Variants in CD99L2 observed in about 807,000 individuals in gnomAD.
CD99L2 encodes CD99 antigen-like protein 2.
In CD99L2, 24 loss-of-function variants were observed where a neutral mutation model predicts 27.3. The ratio of observed to expected loss-of-function variants is 0.88; its 90% CI spans 0.64 to 1.24. The LOEUF (loss-of-function observed/expected upper bound fraction) is 1.24, where lower values mean the gene tolerates loss of function less well. Among genes scored for constraint, CD99L2 ranks in the 50% most tolerant of loss-of-function variants. CD99L2 has a pLI of 0.00. For missense variants in CD99L2, 255 were observed against 221.6 expected (o/e 1.15, Z -0.96); for synonymous variants, 97 against 87.9 (o/e 1.10, Z -0.58).
intron 4 of CD99L2, among the ~76,000 whole-genome samples, chrX:150,806,736 C>G (rs1557420250): frequency 1.8e-5 from 2 of 110,626 alleles, no homozygotes; most frequent in African/African-American, 6.6e-5. Context: ...ACTAAAAACA[C>G]AAAAATTAGC....
intron 1 of CD99L2, among the ~76,000 whole-genome samples, chrX:150,832,932 G>A (rs1179354119): frequency 5.4e-5 from 6 of 110,104 alleles, no homozygotes; most frequent in African/African-American, 2.0e-4. Context: ...GCGGGTGCCT[G>A]TAGTTCCAGC....
intron 2 of CD99L2, among the ~76,000 whole-genome samples, chrX:150,830,217 AC>A (rs1484825490): frequency 9.0e-6 from 1 of 111,162 alleles, no homozygotes; most frequent in African/African-American, 3.3e-5. Context: ...AAAATTGATA[AC>A]AAAGCTTAGC....
intron 7 of CD99L2, among the ~76,000 whole-genome samples, chrX:150,778,202 C>T (rs1323164151): frequency 9.1e-6 from 1 of 110,314 alleles, no homozygotes; most frequent in Non-Finnish European, 1.9e-5. Context: ...GCACGCACCC[C>T]TTCCACAGAC....
At position 150,769,676 on chromosome X, in the gene CD99L2, C is replaced by CAGGGGAG. The variant is rs1686586831; in HGVS notation, c.722-576_722-575insCTCCCCT. Among the ~76,000 whole-genome samples, 2 of 90,513 alleles carry CAGGGGAG rather than the reference C, an allele frequency of 2.2e-5. 1 individual carries two copies. Among genetic ancestry groups the CAGGGGAG allele is most frequent in the East Asian group, 7.8e-4 (2 of 2,554 alleles). The allele number at this position is 90,513 out of a possible 115,157, so 78.6% of individuals were successfully genotyped here. A position where few individuals can be genotyped will look rare whatever the true frequency, so the allele number is the denominator to read the frequency against. ...CGCCTGAGCTGTCCTAGTCTCCCTGCCTGCGCCACCAGGCCTCGGCTGCTC... is the reference window on the plus strand; with the variant it reads ...CGCCTGAGCTGTCCTAGTCTCCCTGCAGGGGAGCTGCGCCACCAGGCCTCGGCTGCTC... On this transcript the variant is annotated intron_variant, in intron 10 of 10. Coordinates refer to ENST00000370377, the MANE Select transcript of CD99L2 (RefSeq NM_031462.4).
intron 1 of CD99L2, among the ~76,000 whole-genome samples, chrX:150,875,797 C>T (rs1569566138): frequency 2.8e-5 from 3 of 107,078 alleles, no homozygotes; most frequent in African/African-American, 6.6e-5. Flanking sequence ...AAGAGTTTCC[C>T]TGCACAAGCT....
In CD99L2 at chrX:150,867,632, G is replaced by A. The variant is rs2047082588; in HGVS notation, c.67+30890C>T. ...TACATGGCTGGGCACGGTGGCTCAC[G>A]CCTTTAATCCCAGCACTTTGGGAGG... On this transcript the variant is annotated intron_variant, in intron 1 of 10. Transcript: ENST00000370377. Among the ~76,000 whole-genome samples the A allele has an allele frequency of 3.6e-5, 4 of 110,501 alleles. No individual in the cohort carries two copies. The South Asian group carries it at 1.5e-3, about 42-fold the overall frequency.
intron 7 of CD99L2, among the ~76,000 whole-genome samples, chrX:150,785,114 C>T (rs1557419518): frequency 9.1e-6 from 1 of 110,092 alleles, no homozygotes; most frequent in Non-Finnish European, 1.9e-5. Context: ...ACCTACTGGC[C>T]TTTCTCCATG....
At chrX:150,818,905 T>C in intron 2 of CD99L2, 1 of 375,993 alleles carries the variant, frequency 2.7e-6, no homozygotes, top group South Asian at 2.4e-5. Flanking sequence ...TAAGGGTTCT[T>C]ACTTTCCTAG....
chrX:150,771,131 C>G (rs1182294911), intron 9 of CD99L2, among the ~76,000 whole-genome samples: 2 of 112,180 alleles, frequency 1.8e-5, no homozygotes, highest in Non-Finnish European at 3.8e-5. Context: ...AGCACAGGGA[C>G]TGGAACCCTT....
At chrX:150,851,425 G>A (rs2046790667) in intron 1 of CD99L2, among the ~76,000 whole-genome samples, 1 of 112,189 alleles carries the variant, frequency 8.9e-6, no homozygotes, top group African/African-American at 3.2e-5. Context: ...CCAATGAGGA[G>A]CTGAGGCTCA....
At chrX:150,825,295 T>C (rs1316448346) in intron 2 of CD99L2, among the ~76,000 whole-genome samples, 1 of 112,459 alleles carries the variant, frequency 8.9e-6, no homozygotes, top group African/African-American at 3.2e-5. Context: ...AAAGTATTTG[T>C]TTATCTGTCT....
chrX:150,796,017 A>G (rs782318602), intron 4 of CD99L2, among the ~76,000 whole-genome samples: 1 of 112,579 alleles, frequency 8.9e-6, no homozygotes, highest in African/African-American at 3.2e-5. Context: ...ATTCCTTTCA[A>G]ATATGGACTT....
At chrX:150,898,054 A>AACCCCCCCCCCCCCC (rs2047641582) in intron 1 of CD99L2, among the ~76,000 whole-genome samples, 1 of 29,926 alleles carries the variant, frequency 3.3e-5, no homozygotes, top group Admixed American at 4.7e-4. Flanking sequence ...CGCCTCGCTG[A>AACCCCCCCCCCCCCC]CCCCCCCCCC....
At chrX:150,777,248 T>C (rs1603285888) in intron 8 of CD99L2, 196 bp downstream of exon 8, 2 of 475,400 alleles carry the variant, frequency 4.2e-6, no homozygotes, top group Non-Finnish European at 7.1e-6. Flanking sequence ...ATAAGAAATT[T>C]CTTTGTAGGC....
At chrX:150,874,015 A>G (rs1436817408) in intron 1 of CD99L2, among the ~76,000 whole-genome samples, 1 of 112,792 alleles carries the variant, frequency 8.9e-6, no homozygotes, top group Non-Finnish European at 1.9e-5. Flanking sequence ...GGGTTATAGA[A>G]CCAGGAAGTT....
chrX:150,805,261 G>C (rs782268691), intron 4 of CD99L2, among the ~76,000 whole-genome samples: 12 of 109,216 alleles, frequency 1.1e-4, no homozygotes, highest in African/African-American at 4.0e-4. Context: ...AAGAAAATTA[G>C]AAAAAAAACC....
chrX:150,868,490 C>T (rs2047106096), intron 1 of CD99L2, among the ~76,000 whole-genome samples: 1 of 112,104 alleles, frequency 8.9e-6, no homozygotes, highest in Non-Finnish European at 1.9e-5. Context: ...TCTCTGTACT[C>T]CAGCCTGGGT....
intron 1 of CD99L2, among the ~76,000 whole-genome samples, chrX:150,878,550 G>A (rs185364923): frequency 9.7e-6 from 1 of 103,539 alleles, no homozygotes; most frequent in Admixed American, 1.0e-4. Flanking sequence ...AAAAAAGAAG[G>A]AAAGAAAAGA....
intron 7 of CD99L2, among the ~76,000 whole-genome samples, chrX:150,793,416 T>C (rs192736500): frequency 1.8e-5 from 2 of 112,516 alleles, no homozygotes; most frequent in African/African-American, 6.5e-5. Context: ...ATTGGTGGTG[T>C]TGCCTTGGCA....
Sources: allele counts gnomAD v4.1 joint callset (sites outside exome capture counted in the v4.1 genomes callset), GRCh38; gene constraint gnomAD v4.1.1; transcripts MANE v1.5; gene names NCBI Gene and HGNC (gene_info 2026-07-23, HGNC 2026-07-21).